The following KIT variants were observed in gnomAD, a reference collection of about 807,000 sequenced individuals.
KIT encodes mast/stem cell growth factor receptor Kit.
In KIT, 16 loss-of-function variants were observed where a neutral mutation model predicts 105.7. That is an observed-to-expected ratio of 0.15 (90% CI 0.10 to 0.23). The LOEUF (loss-of-function observed/expected upper bound fraction) is 0.23, where lower values mean the gene tolerates loss of function less well. KIT is among the 10% of genes least tolerant of loss of function. The pLI is 1.00. For missense variants in KIT, 858 were observed against 1,213.8 expected, an observed-to-expected ratio of 0.71 and a Z score of 4.36; for synonymous variants, 438 against 441.1, an observed-to-expected ratio of 0.99 and a Z score of 0.09.
At chr4:54,669,659 A>C (rs1348866887) in intron 1 of KIT, among the ~76,000 whole-genome samples, 1 of 151,766 alleles carries the variant, frequency 6.6e-6, no homozygotes, top group South Asian at 2.1e-4. Context: ...GTTTTAGTGA[A>C]TTATTTTTCT....
chr4:54,728,779 A>G (rs1172210427), intron 13 of KIT, among the ~76,000 whole-genome samples: 1 of 152,222 alleles, frequency 6.6e-6, no homozygotes, highest in Admixed American at 6.5e-5. Context: ...CAAGTTAATT[A>G]GTTGCCTGTT....
chr4:54,731,479 T>C (rs1489904311), intron 15 of KIT, 60 bp downstream of exon 15: 2 of 1,095,586 alleles, frequency 1.8e-6, no homozygotes, highest in African/African-American at 3.1e-5. Context: ...TATATCATGC[T>C]AATGTGGAAT....
chr4:54,731,787 C>T, intron 15 of KIT, 84 bp from the exon 16 acceptor site: 2 of 1,411,602 alleles, frequency 1.4e-6, no homozygotes, highest in Non-Finnish European at 2.0e-6. Context: ...TCATTACCAG[C>T]CTTTGGTATG....
At chr4:54,708,355 TA>T (rs1224566527) in intron 6 of KIT, among the ~76,000 whole-genome samples, 7 of 152,004 alleles carry the variant, frequency 4.6e-5, no homozygotes, top group African/African-American at 7.2e-5. Flanking sequence ...TATGCAGGGA[TA>T]GACTGACCAG....
intron 7 of KIT, among the ~76,000 whole-genome samples, chr4:54,710,537 T>G (rs1721081070): frequency 6.6e-6 from 1 of 152,052 alleles, no homozygotes; most frequent in Non-Finnish European, 1.5e-5. Context: ...GTACGAGGTG[T>G]TGTGGTTTTG....
At chr4:54,659,762 AACCTAGT>A (rs916817527) in intron 1 of KIT, among the ~76,000 whole-genome samples, 1 of 152,146 alleles carries the variant, frequency 6.6e-6, no homozygotes, top group Non-Finnish European at 1.5e-5. Flanking sequence ...TGTGAACTAG[AACCTAGT>A]AGGAGACTAG....
rs554076539 is a variant in KIT, at chr4:54,666,709, A to G, written c.67+8628A>G. On this transcript the variant is annotated intron_variant, in intron 1 of 20. Transcript: ENST00000288135. ...TTGAAATGGTTCTTAGGTCCTCCCC[A>G]ACTCAGTTGGTTTGATGGCCCTTTA... Among the ~76,000 whole-genome samples, 120 of 152,330 alleles carry G rather than the reference A, an allele frequency of 7.9e-4. 1 individual carries two copies. Among genetic ancestry groups the G allele is most frequent in the African/African-American group, 2.8e-3 (117 of 41,580 alleles).
chr4:54,687,584 G>A (rs1392405351), intron 1 of KIT, among the ~76,000 whole-genome samples: 1 of 151,974 alleles, frequency 6.6e-6, no homozygotes, highest in Non-Finnish European at 1.5e-5. Context: ...CCTTCCCCCT[G>A]CACTTAGCAG....
At chr4:54,677,880 C>T (rs1365331615) in intron 1 of KIT, among the ~76,000 whole-genome samples, 3 of 152,112 alleles carry the variant, frequency 2.0e-5, no homozygotes, top group African/African-American at 7.2e-5. Flanking sequence ...AGAATGAGGG[C>T]TCATGTTTTG....
At chr4:54,676,429 A>G (rs879415) in intron 1 of KIT, among the ~76,000 whole-genome samples, 3,883 of 152,334 alleles carry the variant, frequency 0.025, 169 homozygotes, top group Admixed American at 0.12. Context: ...GGATTCTTCA[A>G]TTCTCTTAAT....
chr4:54,733,658 G>A (rs538238219), intron 17 of KIT, among the ~76,000 whole-genome samples: 2 of 152,226 alleles, frequency 1.3e-5, no homozygotes, highest in East Asian at 3.9e-4. Context: ...AGTAATAATG[G>A]GTTTGTAGAA....
At position 54,693,847 on chromosome 4, in the gene KIT, G is replaced by A. The variant is rs182655890; in HGVS notation, c.68-1665G>A. Reference sequence around the variant, plus strand: ...GCCTCCTCACTGAGGTCTTCCCTGAGTCAACCTTTTGCTTTTTCATCCCGC... The same window carrying A: ...GCCTCCTCACTGAGGTCTTCCCTGAATCAACCTTTTGCTTTTTCATCCCGC... On this transcript the variant is annotated intron_variant, in intron 1 of 20. Coordinates refer to ENST00000288135, the MANE Select transcript of KIT (RefSeq NM_000222.3). Among the ~76,000 whole-genome samples the A allele has an allele frequency of 7.2e-5, 11 of 152,166 alleles. No homozygotes were observed. In the East Asian group the frequency reaches 1.5e-3, roughly 21 times the overall value.
At position 54,740,523 on chromosome 4, in the gene KIT, A is replaced by G; in HGVS notation, c.*1966A>G. 4 of 233,178 alleles carry G rather than the reference A, an allele frequency of 1.7e-5. No individual in the cohort carries two copies. The Admixed American group carries it at 2.3e-4, about 13-fold the overall frequency. The allele number at this position is 233,178 out of a possible 1,614,324, so 14.4% of individuals were successfully genotyped here. On this transcript the variant is annotated 3_prime_UTR_variant, in exon 21 of 21. Coordinates refer to ENST00000288135, the MANE Select transcript of KIT (RefSeq NM_000222.3). ...TTTTTTGTAAATATTGAAATGTAGC[A>G]ATAATGTCTTTTGAATATTCCCAAG...
intron 6 of KIT, among the ~76,000 whole-genome samples, chr4:54,708,604 A>G (rs1720938224): frequency 6.6e-6 from 1 of 152,126 alleles, no homozygotes; most frequent in Non-Finnish European, 1.5e-5. Flanking sequence ...TCTGTAGAGG[A>G]GACATGGTAC....
intron 9 of KIT, among the ~76,000 whole-genome samples, chr4:54,726,896 T>A (rs1001748397): frequency 3.3e-5 from 5 of 152,164 alleles, no homozygotes; most frequent in African/African-American, 1.2e-4. Context: ...TTCTTTTTTT[T>A]AAAGTTGTAC....
At chr4:54,716,682 C>T (rs1442111100) in intron 7 of KIT, among the ~76,000 whole-genome samples, 1 of 152,080 alleles carries the variant, frequency 6.6e-6, no homozygotes, top group Non-Finnish European at 1.5e-5. Context: ...TTGAGACATC[C>T]AGGAGCGAGG....
At chr4:54,677,451 C>A (rs1718560446) in intron 1 of KIT, among the ~76,000 whole-genome samples, 3 of 152,164 alleles carry the variant, frequency 2.0e-5, no homozygotes, top group South Asian at 4.1e-4. Context: ...GGAAGAACTC[C>A]TTTGCTTTTG....
chr4:54,675,431 C>G (rs1030871776), intron 1 of KIT, among the ~76,000 whole-genome samples: 1 of 152,152 alleles, frequency 6.6e-6, no homozygotes, highest in Non-Finnish European at 1.5e-5. Flanking sequence ...ATGTATTGCT[C>G]TAAGTGAATG....
chr4:54,701,904 A>G (rs1486981206), intron 4 of KIT, among the ~76,000 whole-genome samples: 1 of 152,202 alleles, frequency 6.6e-6, no homozygotes, highest in Non-Finnish European at 1.5e-5. Flanking sequence ...TCTGCCAATT[A>G]TTAGAAGACT....
Sources: allele counts gnomAD v4.1 joint callset (sites outside exome capture counted in the v4.1 genomes callset), GRCh38; gene constraint gnomAD v4.1.1; transcripts MANE v1.5; gene names NCBI Gene and HGNC (gene_info 2026-07-23, HGNC 2026-07-21).